The following PTPRD variants were observed in gnomAD, a reference collection of about 807,000 sequenced individuals.
PTPRD encodes the protein receptor-type tyrosine-protein phosphatase delta.
Under a neutral mutation model 214.5 loss-of-function variants are expected in PTPRD, and 34 were observed. The ratio of observed to expected loss-of-function variants is 0.16; its 90% CI spans 0.12 to 0.21. The LOEUF is 0.21. PTPRD is among the 10% of genes least tolerant of loss of function. PTPRD has a pLI of 1.00. For synonymous variants in PTPRD, 1,128 were observed against 845.7 expected, an observed-to-expected ratio of 1.33 and a Z score of -5.79; for missense variants, 2,545 against 2,398.7, an observed-to-expected ratio of 1.06 and a Z score of -1.27.
rs563100069 is a variant in PTPRD, at chr9:10,342,462, C to T, written c.-599-1445G>A. Among the ~76,000 whole-genome samples, 32 of 151,988 alleles carry T rather than the reference C, an allele frequency of 2.1e-4. No homozygotes were observed. In the South Asian group the frequency reaches 4.2e-3, roughly 20 times the overall value. ...ATAAATGTATCAACATTGTAAAGAA[C>T]GATGACTGTTACTGAATCTTTGTAG... On this transcript the variant is annotated intron_variant, in intron 2 of 45. Transcript: ENST00000381196.
At chr9:10,036,804 G>A (rs1040557764) in intron 3 of PTPRD, among the ~76,000 whole-genome samples, 9 of 152,028 alleles carry the variant, frequency 5.9e-5, no homozygotes, top group Admixed American at 1.3e-4. Context: ...GGATGGTCTC[G>A]ATCTCTTGAC....
intron 3 of PTPRD, among the ~76,000 whole-genome samples, chr9:10,293,078 C>A (rs2095574792): frequency 6.6e-6 from 1 of 151,840 alleles, no homozygotes; most frequent in Non-Finnish European, 1.5e-5. Context: ...TTATTGATGT[C>A]ACTTTAAATA....
intron 9 of PTPRD, among the ~76,000 whole-genome samples, chr9:9,330,912 T>C (rs2042063866): frequency 6.6e-6 from 1 of 151,884 alleles, no homozygotes. Flanking sequence ...GAGCTTTTTT[T>C]TTTTTTGAAA....
chr9:9,720,702 T>G (rs1239547230), intron 7 of PTPRD, among the ~76,000 whole-genome samples: 1 of 152,120 alleles, frequency 6.6e-6, no homozygotes, highest in African/African-American at 2.4e-5. Flanking sequence ...GGAGTTTAAA[T>G]TGCAGTACTA....
chr9:10,508,534 T>C (rs1289519694), intron 2 of PTPRD, among the ~76,000 whole-genome samples: 2 of 152,120 alleles, frequency 1.3e-5, no homozygotes, highest in Admixed American at 1.3e-4. Flanking sequence ...TAGCAAAGAC[T>C]TGGAACCAAC....
At chr9:9,316,375 C>T (rs2135743997) in intron 9 of PTPRD, among the ~76,000 whole-genome samples, 2 of 152,124 alleles carry the variant, frequency 1.3e-5, no homozygotes, top group South Asian at 2.1e-4. Context: ...CTTTAAAACT[C>T]TGCTATTAGA....
chr9:8,855,219 C>CT (rs1396220776), intron 11 of PTPRD, among the ~76,000 whole-genome samples: 3 of 151,692 alleles, frequency 2.0e-5, no homozygotes, highest in Non-Finnish European at 4.4e-5. Context: ...ATACAGGCCC[C>CT]TAGTGGCTTA....
intron 39 of PTPRD, among the ~76,000 whole-genome samples, chr9:8,353,440 GAATGAA>G (rs2076055256): frequency 6.6e-6 from 1 of 152,010 alleles, no homozygotes; most frequent in African/African-American, 2.4e-5. Context: ...ATGAATGAAT[GAATGAA>G]TGAGATGGAG....
chr9:9,838,879 C>T lies in PTPRD; in HGVS notation c.-367-72028G>A, dbSNP rs1164573798. Among the ~76,000 whole-genome samples, 14 of 152,166 alleles carry T rather than the reference C, an allele frequency of 9.2e-5. No homozygotes were observed. The East Asian group carries it at 2.5e-3, about 27-fold the overall frequency. On this transcript the variant is annotated intron_variant, in intron 5 of 45. Coordinates refer to ENST00000381196, the MANE Select transcript of PTPRD (RefSeq NM_002839.4). ...TGAATGGTAATGCCTAGGTTTTCTT[C>T]TAGGATTTTTATGGTTTTAGGTCTA...
intron 3 of PTPRD, among the ~76,000 whole-genome samples, chr9:10,157,561 A>ACATTTTTTTTCCTTT (rs2099101133): frequency 6.6e-6 from 1 of 152,060 alleles, no homozygotes; most frequent in Non-Finnish European, 1.5e-5. Flanking sequence ...ACTGCCTTTA[A>ACATTTTTTTTCCTTT]CATTTTTTTT....
intron 2 of PTPRD, among the ~76,000 whole-genome samples, chr9:10,533,558 G>A (rs1418248551): frequency 6.6e-6 from 1 of 151,300 alleles, no homozygotes; most frequent in East Asian, 1.9e-4. Flanking sequence ...ATGTATTAAA[G>A]AGTATGAAAC....
At chr9:8,799,072 T>A (rs2096513307) in intron 11 of PTPRD, among the ~76,000 whole-genome samples, 1 of 152,248 alleles carries the variant, frequency 6.6e-6, no homozygotes, top group African/African-American at 2.4e-5. Context: ...TGCATTGCTT[T>A]ATTTAATATT....
At chr9:9,873,825 T>C (rs553598236) in intron 5 of PTPRD, among the ~76,000 whole-genome samples, 6 of 152,228 alleles carry the variant, frequency 3.9e-5, no homozygotes, top group East Asian at 3.9e-4. Flanking sequence ...TCAAGACCTA[T>C]TGGGAATTAG....
chr9:10,421,759 T>G (rs888111461), intron 2 of PTPRD, among the ~76,000 whole-genome samples: 2 of 151,914 alleles, frequency 1.3e-5, no homozygotes, highest in Non-Finnish European at 2.9e-5. Flanking sequence ...GTTTACTTTA[T>G]TACTGTTTTT....
At chr9:9,290,771 A>T (rs567169281) in intron 9 of PTPRD, among the ~76,000 whole-genome samples, 1 of 151,616 alleles carries the variant, frequency 6.6e-6, no homozygotes, top group South Asian at 2.1e-4. Context: ...AACATGGGAG[A>T]TTCATTTGCT....
chr9:8,815,938 G>C (rs2096910593), intron 11 of PTPRD, among the ~76,000 whole-genome samples: 1 of 152,184 alleles, frequency 6.6e-6, no homozygotes, highest in Admixed American at 6.5e-5. Flanking sequence ...CCCTATGGTG[G>C]TACTTGAGTG....
At chr9:8,460,773 T>A (rs970442845) in intron 32 of PTPRD, among the ~76,000 whole-genome samples, 1 of 152,026 alleles carries the variant, frequency 6.6e-6, no homozygotes. Context: ...AATTTCCTTA[T>A]AGAGTGAACT....
chr9:8,933,733 T>A lies in PTPRD; in HGVS notation c.-104+84964A>T, dbSNP rs541082055. On this transcript the variant is annotated intron_variant, in intron 11 of 45. Transcript: ENST00000381196. ...AGCCAAGTCTATTTTGGGGTTCAAA[T>A]GACATCAGAAAATTCCAGAGGGGTA... is the stretch of plus-strand genomic sequence containing the variant. Among the ~76,000 whole-genome samples the A allele has an allele frequency of 5.8e-4, 88 of 152,278 alleles. 1 individual carries two copies. The highest frequency in any genetic ancestry group is 6.8e-3 in the Middle Eastern group (2 of 294).
At chr9:9,431,181 T>C (rs182929556) in intron 8 of PTPRD, among the ~76,000 whole-genome samples, 7 of 152,230 alleles carry the variant, frequency 4.6e-5, no homozygotes, top group African/African-American at 1.7e-4. Context: ...ATCCAGAATC[T>C]ACAAAGAACT....
Sources: allele counts gnomAD v4.1 joint callset (sites outside exome capture counted in the v4.1 genomes callset), GRCh38; gene constraint gnomAD v4.1.1; transcripts MANE v1.5; gene names NCBI Gene and HGNC (gene_info 2026-07-23, HGNC 2026-07-21).